Variants in ARB2A observed in about 807,000 individuals in gnomAD.
ARB2A encodes ARB2 cotranscriptional regulator A.
the ARB2A span, among the ~76,000 whole-genome samples, chr5:93,954,243 G>A: frequency 6.6e-6 from 1 of 152,164 alleles, no homozygotes; most frequent in African/African-American, 2.4e-5. Context: ...GCTCTCACCT[G>A]AAGCCGCACA....
At chr5:93,623,732 A>T in the ARB2A span, among the ~76,000 whole-genome samples, 1 of 152,130 alleles carries the variant, frequency 6.6e-6, no homozygotes, top group East Asian at 1.9e-4. Flanking sequence ...GACGAAGGGA[A>T]ATTGCTAGGA....
the ARB2A span, among the ~76,000 whole-genome samples, chr5:93,652,925 G>A: frequency 6.6e-6 from 1 of 152,186 alleles, no homozygotes; most frequent in African/African-American, 2.4e-5. Flanking sequence ...GAACAAAAAT[G>A]AGAAAGAGCA....
chr5:93,853,559 G>A, the ARB2A span, among the ~76,000 whole-genome samples: 49 of 152,230 alleles, frequency 3.2e-4, no homozygotes, highest in South Asian at 1.0e-2. Context: ...AATGCTTCCA[G>A]TTTTTGCCCA....
At chr5:93,795,304 C>A in the ARB2A span, among the ~76,000 whole-genome samples, 1 of 152,188 alleles carries the variant, frequency 6.6e-6, no homozygotes, top group African/African-American at 2.4e-5. Flanking sequence ...CTCACTCCCA[C>A]CATGCCCCAC....
chr5:93,820,269 A>G, the ARB2A span, among the ~76,000 whole-genome samples: 7 of 152,224 alleles, frequency 4.6e-5, no homozygotes, highest in Non-Finnish European at 7.3e-5. Context: ...GCTGAGATCA[A>G]TAACTGGGCA....
At chr5:93,791,421 T>G in the ARB2A span, among the ~76,000 whole-genome samples, 3 of 152,336 alleles carry the variant, frequency 2.0e-5, no homozygotes, top group African/African-American at 7.2e-5. Context: ...TTTCAGCATA[T>G]ACCCCAAACG....
chr5:93,916,940 G>A, the ARB2A span, among the ~76,000 whole-genome samples: 2 of 151,980 alleles, frequency 1.3e-5, no homozygotes, highest in African/African-American at 4.8e-5. Context: ...GAAAGCATGG[G>A]GATGTTATCA....
chr5:94,089,299 T>C, the ARB2A span, among the ~76,000 whole-genome samples: 1 of 152,208 alleles, frequency 6.6e-6, no homozygotes, highest in African/African-American at 2.4e-5. Flanking sequence ...GAGAAAATTA[T>C]AAAGCTGCCT....
the ARB2A span, among the ~76,000 whole-genome samples, chr5:93,980,704 C>A: frequency 2.0e-5 from 3 of 152,236 alleles, no homozygotes; most frequent in East Asian, 5.8e-4. Context: ...CTCCCTTCAG[C>A]TATGTCTAAT....
the ARB2A span, among the ~76,000 whole-genome samples, chr5:93,712,788 T>C: frequency 2.0e-4 from 30 of 152,240 alleles, no homozygotes; most frequent in Admixed American, 1.2e-3. Flanking sequence ...AGGGATCACA[T>C]TACCTGACTT....
At chr5:93,961,482 C>T in the ARB2A span, among the ~76,000 whole-genome samples, 13,870 of 152,128 alleles carry the variant, frequency 0.091, 796 homozygotes, top group Middle Eastern at 0.16. Flanking sequence ...TCCAGGAGTT[C>T]GAAACCAACC....
At chr5:93,939,915 T>C in the ARB2A span, among the ~76,000 whole-genome samples, 1 of 151,988 alleles carries the variant, frequency 6.6e-6, no homozygotes, top group Non-Finnish European at 1.5e-5. Context: ...AACCTTATGA[T>C]CTTATAAAGT....
At chr5:93,815,238 C>T in the ARB2A span, among the ~76,000 whole-genome samples, 1 of 152,086 alleles carries the variant, frequency 6.6e-6, no homozygotes, top group African/African-American at 2.4e-5. Flanking sequence ...AAACCTGTAA[C>T]AGAAAATATG....
At chr5:94,042,592 A>G in the ARB2A span, among the ~76,000 whole-genome samples, 1 of 152,204 alleles carries the variant, frequency 6.6e-6, no homozygotes, top group African/African-American at 2.4e-5. Context: ...GGCGTGAGCC[A>G]CTGCGCCCAG....
chr5:93,819,323 A>C, the ARB2A span, among the ~76,000 whole-genome samples: 1 of 152,152 alleles, frequency 6.6e-6, no homozygotes, highest in African/African-American at 2.4e-5. Flanking sequence ...CTTTATCCTC[A>C]AGATATTTCT....
At chr5:93,984,097 G>T in the ARB2A span, among the ~76,000 whole-genome samples, 18 of 152,136 alleles carry the variant, frequency 1.2e-4, no homozygotes, top group East Asian at 3.5e-3. Context: ...TCTTGATTCT[G>T]ATAATTATAA....
the ARB2A span, among the ~76,000 whole-genome samples, chr5:93,883,388 T>C: frequency 1.5e-5 from 2 of 136,068 alleles, no homozygotes; most frequent in Non-Finnish European, 3.2e-5. Context: ...TAATTTAAAC[T>C]TTCTACATCA....
the ARB2A span, among the ~76,000 whole-genome samples, chr5:94,059,893 T>C: frequency 6.6e-6 from 1 of 152,192 alleles, no homozygotes; most frequent in Non-Finnish European, 1.5e-5. Context: ...AGAAAAGTTC[T>C]TTGGGTTGAG....
chr5:93,874,487 G>A, the ARB2A span, among the ~76,000 whole-genome samples: 2 of 152,168 alleles, frequency 1.3e-5, no homozygotes, highest in Non-Finnish European at 2.9e-5. Context: ...TGCTGACAGA[G>A]GGGACAGAAG....
Sources: allele counts gnomAD v4.1 joint callset (sites outside exome capture counted in the v4.1 genomes callset), GRCh38; gene constraint gnomAD v4.1.1; transcripts MANE v1.5; gene names NCBI Gene and HGNC (gene_info 2026-07-23, HGNC 2026-07-21).